The following PDE4D variants were observed in gnomAD, a reference collection of about 807,000 sequenced individuals.
The protein encoded by PDE4D is phosphodiesterase 4D.
PDE4D carries 24 observed loss-of-function variants against 87.4 expected under a neutral mutation model. That is an observed-to-expected ratio of 0.27 (90% CI 0.20 to 0.39). The LOEUF is 0.39. Among genes scored for constraint, PDE4D ranks in the 10% least tolerant of loss-of-function variants. The pLI is 1.00. For synonymous variants in PDE4D, 384 were observed against 383.2 expected (o/e 1.00, Z -0.02); for missense variants, 714 against 1,041.0 (o/e 0.69, Z 4.32).
intron 1 of PDE4D, among the ~76,000 whole-genome samples, chr5:59,328,241 C>T (rs1257207065): frequency 1.3e-5 from 2 of 152,096 alleles, no homozygotes; most frequent in Admixed American, 6.6e-5. Flanking sequence ...TGATTTGGGG[C>T]CTCTCACTTC....
At chr5:60,296,176 C>T (rs1753366203) in intron 1 of PDE4D, among the ~76,000 whole-genome samples, 2 of 152,194 alleles carry the variant, frequency 1.3e-5, no homozygotes, top group African/African-American at 2.4e-5. Flanking sequence ...GGGACACAAA[C>T]ATTCAGACCA....
At chr5:60,097,415 C>T (rs975612684) in intron 2 of PDE4D, among the ~76,000 whole-genome samples, 1 of 151,982 alleles carries the variant, frequency 6.6e-6, no homozygotes, top group African/African-American at 2.4e-5. Context: ...CTGAAAACTG[C>T]ACATATAATA....
chr5:59,444,305 C>T (rs1313066390), intron 1 of PDE4D, among the ~76,000 whole-genome samples: 2 of 152,056 alleles, frequency 1.3e-5, no homozygotes, highest in African/African-American at 2.4e-5. Flanking sequence ...GACATTAATG[C>T]CGAAAGATAA....
chr5:60,200,674 C>T (rs1050386547), intron 1 of PDE4D, among the ~76,000 whole-genome samples: 3 of 152,140 alleles, frequency 2.0e-5, no homozygotes, highest in African/African-American at 7.2e-5. Flanking sequence ...ATTTCACTCT[C>T]CTTGCTCCCA....
At chr5:60,367,748 T>G (rs1247825554) in intron 1 of PDE4D, among the ~76,000 whole-genome samples, 4 of 152,178 alleles carry the variant, frequency 2.6e-5, no homozygotes, top group Non-Finnish European at 5.9e-5. Flanking sequence ...ATCTGAAGAA[T>G]AAGCACTGAA....
intron 1 of PDE4D, among the ~76,000 whole-genome samples, chr5:59,661,412 A>G (rs996439793): frequency 2.0e-5 from 3 of 152,138 alleles, no homozygotes; most frequent in African/African-American, 7.2e-5. Context: ...AAAATTAATG[A>G]CAGATAAAGT....
intron 1 of PDE4D, among the ~76,000 whole-genome samples, chr5:60,423,172 C>T (rs1355477420): frequency 6.6e-6 from 1 of 152,222 alleles, no homozygotes; most frequent in Non-Finnish European, 1.5e-5. Flanking sequence ...AGGACTTGAA[C>T]TCAGCTCCGC....
chr5:59,440,787 AT>A (rs1388282611), intron 1 of PDE4D, among the ~76,000 whole-genome samples: 1 of 152,028 alleles, frequency 6.6e-6, no homozygotes, highest in East Asian at 1.9e-4. Context: ...GAAAAAAAAA[AT>A]TTTCATGTAA....
chr5:59,310,246 C>CT (rs910218058), intron 1 of PDE4D, among the ~76,000 whole-genome samples: 2 of 152,138 alleles, frequency 1.3e-5, no homozygotes, highest in African/African-American at 2.4e-5. Context: ...ATTATGCTTC[C>CT]TTTTTTTCTG....
chr5:59,773,345 A>T (rs1363683467), intron 1 of PDE4D, among the ~76,000 whole-genome samples: 1 of 152,280 alleles, frequency 6.6e-6, no homozygotes, highest in East Asian at 1.9e-4. Flanking sequence ...TACATTATAC[A>T]AACCCAAAAG....
intron 2 of PDE4D, among the ~76,000 whole-genome samples, chr5:60,151,601 T>C (rs1031623619): frequency 2.6e-5 from 4 of 152,238 alleles, no homozygotes; most frequent in African/African-American, 4.8e-5. Flanking sequence ...GTTGATTTCA[T>C]ATTCTGCAAG....
chr5:59,444,621 G>A (rs1798092295), intron 1 of PDE4D, among the ~76,000 whole-genome samples: 3 of 152,076 alleles, frequency 2.0e-5, no homozygotes, highest in African/African-American at 7.2e-5. Flanking sequence ...GACCATCCTG[G>A]CTAACACGGT....
chr5:59,861,643 A>T (rs905723921), intron 1 of PDE4D, among the ~76,000 whole-genome samples: 2 of 152,026 alleles, frequency 1.3e-5, no homozygotes, highest in African/African-American at 4.8e-5. Flanking sequence ...GTTAATGTTC[A>T]TTTTTTTTCC....
intron 2 of PDE4D, among the ~76,000 whole-genome samples, chr5:60,118,561 T>TTTTGTG (rs1554162851): frequency 6.9e-6 from 1 of 144,210 alleles, no homozygotes; most frequent in African/African-American, 2.6e-5. Context: ...TGGATGTAGG[T>TTTTGTG]TGTGTGTGTG....
intron 2 of PDE4D, chr5:60,033,153 T>C (rs1767427679): frequency 6.6e-6 from 1 of 152,200 alleles, no homozygotes; most frequent in African/African-American, 2.4e-5. Context: ...ACTGGTAAAG[T>C]ATCTCAGCTT....
chr5:59,571,492 G>A (rs1821844355), intron 1 of PDE4D, among the ~76,000 whole-genome samples: 1 of 152,198 alleles, frequency 6.6e-6, no homozygotes, highest in African/African-American at 2.4e-5. Flanking sequence ...AGAGGTGGGG[G>A]AAAGTGGCCA....
At chr5:59,809,795 T>C (rs1023338728) in intron 1 of PDE4D, among the ~76,000 whole-genome samples, 2 of 152,184 alleles carry the variant, frequency 1.3e-5, no homozygotes, top group Non-Finnish European at 2.9e-5. Flanking sequence ...ACAGCTCTAT[T>C]CTACTCCTGA....
intron 5 of PDE4D, among the ~76,000 whole-genome samples, chr5:59,176,367 A>G (rs1442676675): frequency 7.2e-5 from 11 of 152,256 alleles, no homozygotes; most frequent in Admixed American, 3.9e-4. Context: ...ATCCTGGCTA[A>G]CACAGTGAAA....
At chr5:59,404,966 C>A (rs1242022987) in intron 1 of PDE4D, among the ~76,000 whole-genome samples, 5 of 152,024 alleles carry the variant, frequency 3.3e-5, no homozygotes, top group Non-Finnish European at 7.4e-5. Context: ...CCAGAACCAT[C>A]CTGTTTTGGT....
Sources: allele counts gnomAD v4.1 joint callset (sites outside exome capture counted in the v4.1 genomes callset), GRCh38; gene constraint gnomAD v4.1.1; transcripts MANE v1.5; gene names NCBI Gene and HGNC (gene_info 2026-07-23, HGNC 2026-07-21).